The following HNF4G variants were observed in gnomAD, a reference collection of about 807,000 sequenced individuals.
HNF4G encodes hepatocyte nuclear factor 4 gamma.
Under a neutral mutation model 50.9 loss-of-function variants are expected in HNF4G, and 21 were observed. The observed-to-expected ratio is 0.41, with a 90% CI of 0.29 to 0.59. HNF4G has a LOEUF of 0.59. Ranked by LOEUF, HNF4G falls within the 20% of genes least tolerant of loss-of-function variation. The pLI is 0.26. For synonymous variants in HNF4G, 198 were observed against 185.6 expected, an observed-to-expected ratio of 1.07 and a Z score of -0.54; for missense variants, 527 against 559.4, an observed-to-expected ratio of 0.94 and a Z score of 0.58.
rs145950471 is a variant in HNF4G, at chr8:75,502,869, G to C, written c.-24+12661G>C. ...TAATAGCAAAAGTCTGAAATTGTCT[G>C]TTAGTAGGGGAGTAGTCCAATATAC... On this transcript the variant is annotated intron_variant, in intron 2 of 10. Transcript: ENST00000354370. Among the ~76,000 whole-genome samples, 8 of 152,278 alleles carry C rather than the reference G, an allele frequency of 5.3e-5. No homozygotes were observed. The East Asian group carries it at 9.6e-4, about 18-fold the overall frequency.
At chr8:75,545,192 A>G (rs1336049878) in intron 2 of HNF4G, among the ~76,000 whole-genome samples, 1 of 152,008 alleles carries the variant, frequency 6.6e-6, no homozygotes, top group African/African-American at 2.4e-5. Context: ...AATACAGAAT[A>G]ACCTGTAAAC....
intron 2 of HNF4G, among the ~76,000 whole-genome samples, chr8:75,509,389 A>G (rs78526612): frequency 0.037 from 5,660 of 152,306 alleles, 133 homozygotes; most frequent in South Asian, 0.055. Context: ...GGAGGTGTAT[A>G]TAAAGACTGG....
intron 5 of HNF4G, among the ~76,000 whole-genome samples, chr8:75,555,355 C>G (rs1315491882): frequency 6.6e-6 from 1 of 152,094 alleles, no homozygotes; most frequent in African/African-American, 2.4e-5. Context: ...GCTTCCTATA[C>G]TTCCTAGTGG....
At chr8:75,486,078 T>G (rs1812490519) in intron 1 of HNF4G, among the ~76,000 whole-genome samples, 1 of 152,212 alleles carries the variant, frequency 6.6e-6, no homozygotes, top group African/African-American at 2.4e-5. Context: ...CCAGTTTTAT[T>G]CAGGCCTTAA....
At chr8:75,475,942 T>C (rs1285812847) in intron 1 of HNF4G, among the ~76,000 whole-genome samples, 1 of 152,142 alleles carries the variant, frequency 6.6e-6, no homozygotes, top group Non-Finnish European at 1.5e-5. Flanking sequence ...AAATTTATTT[T>C]TAAAATTTTT....
chr8:75,480,885 AT>A (rs1183402619), intron 1 of HNF4G, among the ~76,000 whole-genome samples: 2 of 151,544 alleles, frequency 1.3e-5, no homozygotes, highest in Admixed American at 6.6e-5. Flanking sequence ...TAATTTTTGT[AT>A]TTTTTATTTT....
rs548125507 is a variant in HNF4G at position 75,423,815 on chromosome 8, CTTTT to C, written c.-144+15677_-144+15680del. Among the ~76,000 whole-genome samples the C allele has an allele frequency of 9.6e-3, 684 of 71,256 alleles. 11 individuals carry two copies. Among genetic ancestry groups the C allele is most frequent in the African/African-American group, 0.033 (614 of 18,692 alleles). The allele number at this position is 71,256 out of a possible 152,430, so 46.7% of individuals were successfully genotyped here. The stretch of plus-strand genomic sequence containing the variant: ...TTGAAACTTTCTGCCAAGTTTCTTT[CTTTT>C]TTTTTTTTTTTTTTTTTTTTTTTGA... On this transcript the variant is annotated intron_variant, in intron 1 of 10. Transcript: ENST00000354370.
At chr8:75,511,462 C>A (rs1195255846) in intron 2 of HNF4G, among the ~76,000 whole-genome samples, 2 of 152,208 alleles carry the variant, frequency 1.3e-5, no homozygotes, top group Admixed American at 1.3e-4. Flanking sequence ...TATAGAATCA[C>A]TTCTTAAAAT....
chr8:75,460,102 A>G (rs1270585633), intron 1 of HNF4G, among the ~76,000 whole-genome samples: 2 of 152,088 alleles, frequency 1.3e-5, no homozygotes, highest in African/African-American at 2.4e-5. Flanking sequence ...TCTTTGCAGT[A>G]CACAAAGAGA....
chr8:75,450,276 A>T (rs796962077), intron 1 of HNF4G, among the ~76,000 whole-genome samples: 14 of 149,980 alleles, frequency 9.3e-5, no homozygotes, highest in African/African-American at 3.4e-4. Flanking sequence ...TAGGTTAATT[A>T]CATGTCTTGG....
intron 1 of HNF4G, among the ~76,000 whole-genome samples, chr8:75,448,735 G>A (rs765173410): frequency 5.3e-5 from 8 of 151,772 alleles, no homozygotes; most frequent in African/African-American, 9.7e-5. Context: ...ATCTGATCTT[G>A]GGATAAGGAA....
At position 75,510,057 on chromosome 8, in the gene HNF4G, C is replaced by T. The variant is rs189817855; in HGVS notation, c.-24+19849C>T. ...TGGCAGCTCCATGCATGTTTTTGTCCCTGAAAACCTTCCAATGGGACAAGA... is the reference window on the plus strand; with the variant it reads ...TGGCAGCTCCATGCATGTTTTTGTCTCTGAAAACCTTCCAATGGGACAAGA... On this transcript the variant is annotated intron_variant, in intron 2 of 10. Coordinates refer to the HNF4G transcript ENST00000354370. 5.1e-3 allele frequency among the ~76,000 whole-genome samples: 772 copies of T among 151,948 alleles called. 3 individuals carry two copies. The highest frequency in any genetic ancestry group is 8.2e-3 in the Non-Finnish European group (558 of 67,950).
At chr8:75,519,881 C>T (rs1294515768) in intron 2 of HNF4G, among the ~76,000 whole-genome samples, 1 of 151,854 alleles carries the variant, frequency 6.6e-6, no homozygotes, top group East Asian at 1.9e-4. Context: ...CTCATAGTCT[C>T]TGTATTTCAG....
chr8:75,468,814 T>C (rs1300168042), intron 1 of HNF4G, among the ~76,000 whole-genome samples: 1 of 152,208 alleles, frequency 6.6e-6, no homozygotes, highest in East Asian at 1.9e-4. Flanking sequence ...AGCCTTGTTA[T>C]TGCCTCCCTA....
chr8:75,474,779 C>A (rs967583871), intron 1 of HNF4G, among the ~76,000 whole-genome samples: 1 of 151,576 alleles, frequency 6.6e-6, no homozygotes, highest in African/African-American at 2.4e-5. Context: ...CTCACTGCAA[C>A]CTCCGCCTCC....
intron 1 of HNF4G, among the ~76,000 whole-genome samples, chr8:75,435,516 C>T (rs1188228206): frequency 6.6e-6 from 1 of 152,146 alleles, no homozygotes; most frequent in African/African-American, 2.4e-5. Flanking sequence ...ATCAATTCAA[C>T]ATTGTACTAC....
At chr8:75,539,539 T>C, upstream of HNF4G, among the ~76,000 whole-genome samples, 1 of 152,194 alleles carries the variant, frequency 6.6e-6, no homozygotes, top group East Asian at 1.9e-4. Context: ...GTCCCATTTT[T>C]CAGAATATGA....
At chr8:75,427,620 C>T (rs1040682730) in intron 1 of HNF4G, among the ~76,000 whole-genome samples, 1 of 151,314 alleles carries the variant, frequency 6.6e-6, no homozygotes, top group Non-Finnish European at 1.5e-5. Flanking sequence ...ACTATCTTCT[C>T]ATCTAGTATA....
chr8:75,523,062 A>T (rs550946542), intron 2 of HNF4G, among the ~76,000 whole-genome samples: 3 of 151,946 alleles, frequency 2.0e-5, no homozygotes, highest in Admixed American at 1.3e-4. Context: ...CATCTCTACT[A>T]AAAATACAGA....
Sources: gnomAD v4.1 joint callset for allele counts (sites outside exome capture counted in the v4.1 genomes callset) on GRCh38, gnomAD v4.1.1 for gene constraint, MANE v1.5 for transcripts, NCBI Gene and HGNC (gene_info 2026-07-23, HGNC 2026-07-21) for gene names.